RC3H1: variants seen among roughly 807,000 people sequenced by gnomAD.
RC3H1 encodes the protein roquin-1.
A neutral mutation model predicts 138.2 loss-of-function variants in RC3H1; 50 were observed. The observed-to-expected ratio is 0.36, with a 90% CI of 0.29 to 0.46. RC3H1 has a LOEUF of 0.46. RC3H1 is among the 20% of genes least tolerant of loss of function. RC3H1 has a pLI of 1.00. For missense variants in RC3H1, 1,031 were observed against 1,388.1 expected, an observed-to-expected ratio of 0.74 and a Z score of 4.09; for synonymous variants, 462 against 489.1, an observed-to-expected ratio of 0.94 and a Z score of 0.73.
chr1:174,020,854 C>T (rs532596374), intron 1 of RC3H1, among the ~76,000 whole-genome samples: 26 of 151,976 alleles, frequency 1.7e-4, no homozygotes, highest in Non-Finnish European at 8.8e-5. Flanking sequence ...ACTAAAAATA[C>T]AAAAATCAGC....
chr1:173,972,447 T>C, intron 8 of RC3H1, 62 bp downstream of exon 8: 1 of 1,118,976 alleles, frequency 8.9e-7, no homozygotes, highest in Non-Finnish European at 1.4e-6. Flanking sequence ...CACAGTGGTT[T>C]ACCTATAGTT....
chr1:173,993,164 G>C, intron 1 of RC3H1, 29 bp from the exon 2 acceptor site: 1 of 580,388 alleles, frequency 1.7e-6, no homozygotes, highest in Non-Finnish European at 3.1e-6. Flanking sequence ...GAAAAAAATT[G>C]AGTGTCTTTC....
At chr1:173,994,392 AAAAC>A (rs760699594) in intron 1 of RC3H1, among the ~76,000 whole-genome samples, 9 of 152,146 alleles carry the variant, frequency 5.9e-5, no homozygotes, top group African/African-American at 9.7e-5. Flanking sequence ...ACTCCATCTC[AAAAC>A]AAACAAACAA....
intron 3 of RC3H1, 113 bp downstream of exon 3, chr1:173,984,386 A>G: frequency 1.0e-6 from 1 of 954,292 alleles, no homozygotes; most frequent in Non-Finnish European, 1.5e-6. Context: ...AATTGCATCA[A>G]ATTTACCTCT....
chr1:173,972,636 C>T lies in RC3H1; in HGVS notation c.1103-9G>A. 6.4e-7 allele frequency: 1 copy of T among 1,563,796 alleles called. No individual in the cohort carries two copies. On this transcript the variant is annotated splice_polypyrimidine_tract_variant and intron_variant, in intron 7 of 19. Transcript: ENST00000367696. ...AGTAGGAGGAGGAGCATCTATACAACCAATGATAATGTTTTAAACTCTAAT... is the reference window on the plus strand; with the variant it reads ...AGTAGGAGGAGGAGCATCTATACAATCAATGATAATGTTTTAAACTCTAAT...
intron 11 of RC3H1, among the ~76,000 whole-genome samples, chr1:173,962,815 T>G (rs1297095390): frequency 2.0e-5 from 3 of 152,204 alleles, no homozygotes; most frequent in Non-Finnish European, 4.4e-5. Flanking sequence ...CAAAAAGAGT[T>G]GCATTTTTTC....
At chr1:173,951,186 G>T (rs1482250242) in intron 14 of RC3H1, among the ~76,000 whole-genome samples, 1 of 152,040 alleles carries the variant, frequency 6.6e-6, no homozygotes, top group African/African-American at 2.4e-5. Context: ...TTAGCTGGCC[G>T]TGGTGGCGCA....
chr1:174,017,999 G>T (rs1400102095), intron 1 of RC3H1, among the ~76,000 whole-genome samples: 1 of 151,944 alleles, frequency 6.6e-6, no homozygotes. Context: ...CTTGCTCCCA[G>T]GAGTTTGAGA....
intron 1 of RC3H1, among the ~76,000 whole-genome samples, chr1:174,017,804 A>C (rs74126487): frequency 0.03 from 4,396 of 145,106 alleles, 69 homozygotes; most frequent in Middle Eastern, 0.087. Context: ...AAAAAAAAAA[A>C]AAAAAACTGC....
intron 2 of RC3H1, among the ~76,000 whole-genome samples, chr1:173,989,769 G>T (rs1381443921): frequency 1.4e-5 from 2 of 141,058 alleles, no homozygotes; most frequent in Non-Finnish European, 1.5e-5. Flanking sequence ...GCCCAGGCCG[G>T]ATTGCGGACT....
chr1:173,984,189 CA>C (rs1660932390), intron 3 of RC3H1, among the ~76,000 whole-genome samples: 1 of 152,164 alleles, frequency 6.6e-6, no homozygotes, highest in Non-Finnish European at 1.5e-5. Flanking sequence ...CTATTATCAT[CA>C]TTCGAATAAT....
At position 174,022,008 on chromosome 1, in the gene RC3H1, C is replaced by A. The variant is rs1373773684; in HGVS notation, c.-151+88G>T. 3 of 386,798 alleles carry A rather than the reference C, an allele frequency of 7.8e-6. No homozygotes were observed. The highest frequency in any genetic ancestry group is 9.1e-6 in the Non-Finnish European group (2 of 218,662). The allele number at this position is 386,798 out of a possible 1,614,324, so 24.0% of individuals were successfully genotyped here. On this transcript the variant is annotated intron_variant, in intron 1 of 19. Coordinates refer to ENST00000367696, the MANE Select transcript of RC3H1 (RefSeq NM_172071.4). This position sits in a 1 kb window ranked among gnomAD's most constrained non-coding sequence, Gnocchi z 4.2. The stretch of plus-strand genomic sequence containing the variant: ...AGCAGAGGGCGGGCGAGGACAAACC[C>A]TTCCCGACCACAGCTGCCTATTGTT...
intron 7 of RC3H1, among the ~76,000 whole-genome samples, chr1:173,976,066 G>A (rs894531422): frequency 3.3e-5 from 5 of 151,960 alleles, no homozygotes; most frequent in Admixed American, 2.0e-4. Flanking sequence ...AGAAAGCAGA[G>A]GATGCTGAGG....
At position 173,985,317 on chromosome 1, in the gene RC3H1, T is replaced by C. The variant is rs186106757; in HGVS notation, c.232-698A>G. Among the ~76,000 whole-genome samples the C allele has an allele frequency of 8.5e-5, 13 of 152,334 alleles. No individual in the cohort carries two copies. In the East Asian group the frequency reaches 2.3e-3, roughly 27 times the overall value. ...CAAAAGTTTTTGTTTCTCTTTGGTA[T>C]ATACCTAGGAGTCTGTATTTAACCT... On this transcript the variant is annotated intron_variant, in intron 2 of 19. Transcript: ENST00000367696.
At position 173,946,614 on chromosome 1, in the gene RC3H1, G is replaced by A. The variant is rs769885807; in HGVS notation, c.2829-6C>T. The A allele has an allele frequency of 5.0e-6, 8 of 1,613,020 alleles. No individual in the cohort carries two copies. In the Admixed American group the frequency reaches 1.0e-4, roughly 20 times the overall value. The stretch of plus-strand genomic sequence containing the variant: ...CTGACATAGATATTCTCTCCCTTTG[G>A]TTAGAAAGAAAGTGTGAATCAAATT... On this transcript the variant is annotated splice_polypyrimidine_tract_variant and splice_region_variant and intron_variant, in intron 16 of 19. Coordinates refer to ENST00000367696, the MANE Select transcript of RC3H1 (RefSeq NM_172071.4).
At chr1:173,956,999 C>T (rs1480203390) in intron 13 of RC3H1, among the ~76,000 whole-genome samples, 3 of 151,638 alleles carry the variant, frequency 2.0e-5, no homozygotes, top group Admixed American at 6.6e-5. Context: ...CTGCAACCTC[C>T]GCCTGCTGGG....
chr1:173,941,635 A>C (rs78406098), intron 18 of RC3H1, among the ~76,000 whole-genome samples: 5 of 152,174 alleles, frequency 3.3e-5, no homozygotes, highest in Non-Finnish European at 7.3e-5. Context: ...CTCAGAAAAA[A>C]ACAATGACCT....
intron 9 of RC3H1, among the ~76,000 whole-genome samples, chr1:173,968,917 G>A (rs781119670): frequency 7.0e-6 from 1 of 142,788 alleles, no homozygotes; most frequent in East Asian, 2.0e-4. Flanking sequence ...GGAGTGCTAC[G>A]GTGCAATCTC....
intron 1 of RC3H1, among the ~76,000 whole-genome samples, chr1:174,008,855 T>C (rs1442053251): frequency 1.3e-5 from 2 of 151,138 alleles, no homozygotes; most frequent in Admixed American, 6.6e-5. Context: ...CGGGCACCGG[T>C]AATCCCAGCT....
Sources: gnomAD v4.1 joint callset for allele counts (sites outside exome capture counted in the v4.1 genomes callset) on GRCh38, gnomAD v4.1.1 for gene constraint, Gnocchi (gnomAD v3.1) non-coding constraint, MANE v1.5 for transcripts, NCBI Gene and HGNC (gene_info 2026-07-23, HGNC 2026-07-21) for gene names.